SFMBT2: variants seen among roughly 807,000 people sequenced by gnomAD.
SFMBT2 encodes the protein scm-like with four MBT domains protein 2.
In SFMBT2, 38 loss-of-function variants were observed where a neutral mutation model predicts 110.1. That is an observed-to-expected ratio of 0.35 (90% CI 0.27 to 0.45). The LOEUF is 0.45. SFMBT2 is among the 20% of genes least tolerant of loss of function. SFMBT2 has a pLI of 1.00. For missense variants in SFMBT2, 1,011 were observed against 1,094.9 expected (o/e 0.92, Z 1.08); for synonymous variants, 425 against 425.4 (o/e 1.00, Z 0.01).
At chr10:7,269,066 T>C (rs1465509447) in intron 7 of SFMBT2, among the ~76,000 whole-genome samples, 2 of 152,240 alleles carry the variant, frequency 1.3e-5, no homozygotes, top group African/African-American at 4.8e-5. Flanking sequence ...AAAGTCATTA[T>C]TTATTTTTCA....
At chr10:7,297,310 A>G (rs1170665920) in intron 4 of SFMBT2, among the ~76,000 whole-genome samples, 1 of 152,184 alleles carries the variant, frequency 6.6e-6, no homozygotes, top group Non-Finnish European at 1.5e-5. Context: ...CCTGGGTTGG[A>G]GTCCCAGCTA....
In SFMBT2 at chr10:7,410,936, T is replaced by A. The variant is rs1401844613; in HGVS notation, c.-127A>T. On this transcript the variant is annotated 5_prime_UTR_variant, in exon 1 of 21. The change creates a new upstream start codon in the 5' untranslated region. Transcript: ENST00000397167. ...CCGGGAGGGCACCGGCCTCGCTCGC[T>A]TGCTCGCTCGCCCGCCCTTGCCCGC... 6.6e-6 allele frequency among the ~76,000 whole-genome samples: 1 copy of A among 151,352 alleles called. No homozygotes were observed. Among genetic ancestry groups the A allele is most frequent in the South Asian group, 2.1e-4 (1 of 4,814 alleles).
chr10:7,171,975 G>A lies in SFMBT2; in HGVS notation c.2335C>T (p.Arg779Ter), dbSNP rs1837884902. ...PVRRPPPERT[R>*]RGRGAPAASS... ...GCAGCCGGCGCCCCGCGGCCCCTTC[G>A]TGTCCTCTCTGGGGGTGGCCGGCGC... is the stretch of plus-strand genomic sequence containing the variant. Residue 779 changes from arginine (R) to a stop codon, truncating the protein, a stop_gained, in exon 19 of 21, where the codon CGA becomes TGA. Transcript: ENST00000397167. LOFTEE classifies it high-confidence loss of function. The surrounding 1 kb of genome is among the most constrained non-coding windows in gnomAD (Gnocchi z 4.9). 2.0e-6 allele frequency: 3 copies of A among 1,528,750 alleles called. No individual in the cohort carries two copies. Among genetic ancestry groups the A allele is most frequent in the Non-Finnish European group, 1.8e-6 (2 of 1,141,508 alleles). 94.7% of individuals were successfully genotyped at this position (1,528,750 alleles called of 1,614,324 possible).
At chr10:7,400,135 G>C (rs901530024) in intron 1 of SFMBT2, among the ~76,000 whole-genome samples, 1 of 152,162 alleles carries the variant, frequency 6.6e-6, no homozygotes, top group African/African-American at 2.4e-5. Context: ...AAAATATGTA[G>C]TGGCCAGTTG....
At chr10:7,359,197 C>G (rs911685987) in intron 4 of SFMBT2, among the ~76,000 whole-genome samples, 1 of 152,218 alleles carries the variant, frequency 6.6e-6, no homozygotes, top group African/African-American at 2.4e-5. Flanking sequence ...GCTTCCCATA[C>G]AAGTGAAACC....
chr10:7,327,149 A>G (rs943199576), intron 4 of SFMBT2, among the ~76,000 whole-genome samples: 7 of 152,032 alleles, frequency 4.6e-5, no homozygotes, highest in African/African-American at 1.4e-4. Context: ...AAAAAAAAAA[A>G]AAAAAGTTCT....
intron 7 of SFMBT2, among the ~76,000 whole-genome samples, chr10:7,261,994 C>T (rs1841221293): frequency 6.6e-6 from 1 of 152,232 alleles, no homozygotes; most frequent in African/African-American, 2.4e-5. Context: ...TCCCTGGGGG[C>T]AGGGGTGACA....
At chr10:7,364,948 T>C (rs905944335) in intron 4 of SFMBT2, among the ~76,000 whole-genome samples, 2 of 152,244 alleles carry the variant, frequency 1.3e-5, no homozygotes, top group African/African-American at 4.8e-5. Context: ...GCTGATTTAC[T>C]TCACGACGGA....
At chr10:7,386,051 T>C (rs1845595063) in intron 1 of SFMBT2, among the ~76,000 whole-genome samples, 1 of 152,022 alleles carries the variant, frequency 6.6e-6, no homozygotes, top group East Asian at 1.9e-4. Flanking sequence ...ATTTCAAACT[T>C]TCATAGATAA....
At chr10:7,184,148 T>C (rs1181433124) in intron 16 of SFMBT2, among the ~76,000 whole-genome samples, 1 of 152,140 alleles carries the variant, frequency 6.6e-6, no homozygotes, top group Non-Finnish European at 1.5e-5. Context: ...GAATATGGGA[T>C]GATAAAATGC....
intron 11 of SFMBT2, among the ~76,000 whole-genome samples, chr10:7,210,745 G>A (rs1839319227): frequency 6.6e-6 from 1 of 152,220 alleles, no homozygotes; most frequent in Non-Finnish European, 1.5e-5. Flanking sequence ...CTTTGCAGAT[G>A]CCTATCAAGA....
In SFMBT2 at chr10:7,283,916, C is replaced by A; in HGVS notation, c.760G>T (p.Asp254Tyr). ...CTTTGGCCCTTACCTGAAGGTGGGT[C>A]CATTCTGTATTTATTCTCTTGACAC... ...GWCQENKYRMDPPSEIYPLKM... is the reference protein window; with the variant it reads ...GWCQENKYRMYPPSEIYPLKM... The change falls in exon 6 of 21, where the codon GAC (aspartate) becomes TAC (tyrosine). Residue 254 changes from aspartate (D) to tyrosine (Y), a missense_variant. Around this residue, in one of 2 missense-constraint regions of SFMBT2, gnomAD observed 979 missense variants for 1,016.1 expected, o/e 0.96. Coordinates refer to ENST00000397167, the MANE Select transcript of SFMBT2 (RefSeq NM_001387889.1). 6.3e-7 allele frequency: 1 copy of A among 1,593,386 alleles called. No individual in the cohort carries two copies. Among genetic ancestry groups the A allele is most frequent in the Non-Finnish European group, 8.6e-7 (1 of 1,161,010 alleles).
chr10:7,389,925 T>C (rs1284708977), intron 1 of SFMBT2, among the ~76,000 whole-genome samples: 1 of 152,232 alleles, frequency 6.6e-6, no homozygotes, highest in Non-Finnish European at 1.5e-5. Flanking sequence ...ACTTGAGGTA[T>C]AGTCAAAGAA....
chr10:7,239,199 C>A (rs1171706455), intron 9 of SFMBT2, among the ~76,000 whole-genome samples: 1 of 152,122 alleles, frequency 6.6e-6, no homozygotes, highest in African/African-American at 2.4e-5. Flanking sequence ...TGAAGTCAAG[C>A]AACACATTGT....
chr10:7,321,394 G>A (rs1468824090), intron 4 of SFMBT2, among the ~76,000 whole-genome samples: 1 of 152,042 alleles, frequency 6.6e-6, no homozygotes, highest in Admixed American at 6.5e-5. Context: ...GTAGAGATGG[G>A]GTTTCACTGT....
intron 8 of SFMBT2, chr10:7,244,252 T>C (rs1588377998): frequency 4.1e-6 from 1 of 243,436 alleles, no homozygotes; most frequent in Non-Finnish European, 6.6e-6. Flanking sequence ...CCCAATGCCA[T>C]GTTTAAGCTA....
chr10:7,172,338 T>A lies in SFMBT2; in HGVS notation c.2151+157A>T. On this transcript the variant is annotated intron_variant, in intron 18 of 20. Coordinates refer to ENST00000397167, the MANE Select transcript of SFMBT2 (RefSeq NM_001387889.1). This position sits in a 1 kb window ranked among gnomAD's most constrained non-coding sequence, Gnocchi z 4.6. ...GCCAAAGCAGCTGGACACACTACAT[T>A]TGTTTTCAGCAAGTAAGGAGGAGGG... 1 of 985,380 alleles carries A rather than the reference T, an allele frequency of 1.0e-6. No homozygotes were observed. The highest frequency in any genetic ancestry group is 1.2e-6 in the Non-Finnish European group (1 of 829,888). The allele number at this position is 985,380 out of a possible 1,614,324, so 61.0% of individuals were successfully genotyped here. A position where few individuals can be genotyped will look rare whatever the true frequency, so the allele number is the denominator to read the frequency against.
intron 1 of SFMBT2, among the ~76,000 whole-genome samples, chr10:7,406,759 T>C (rs1260969131): frequency 6.6e-6 from 1 of 152,228 alleles, no homozygotes; most frequent in Non-Finnish European, 1.5e-5. Flanking sequence ...GGACCTGCTG[T>C]TTGAGGTTCA....
intron 4 of SFMBT2, 120 bp from the exon 5 acceptor site, chr10:7,286,074 T>A (rs1209245146): frequency 6.1e-6 from 4 of 652,556 alleles, no homozygotes; most frequent in Non-Finnish European, 1.1e-5. Flanking sequence ...TTGATTTCAA[T>A]GTTTTTCTTA....
Sources: gnomAD v4.1 joint callset for allele counts (sites outside exome capture counted in the v4.1 genomes callset) on GRCh38, gnomAD v4.1.1 for gene constraint, gnomAD v4.1.1 regional missense constraint, Gnocchi (gnomAD v3.1) non-coding constraint, MANE v1.5 for transcripts, NCBI Gene and HGNC (gene_info 2026-07-23, HGNC 2026-07-21) for gene names.